Variants in MAF observed in about 807,000 individuals in gnomAD.
MAF encodes MAF bZIP transcription factor.
In MAF, 10 loss-of-function variants were observed where a neutral mutation model predicts 22.0. That is an observed-to-expected ratio of 0.45 (90% CI 0.28 to 0.77). MAF has a LOEUF of 0.77. Ranked by LOEUF, MAF falls within the 30% of genes least tolerant of loss-of-function variation. MAF has a pLI of 0.12. For missense variants in MAF, 544 were observed against 548.4 expected, an observed-to-expected ratio of 0.99 and a Z score of 0.08; for synonymous variants, 337 against 255.8, an observed-to-expected ratio of 1.32 and a Z score of -3.03.
chr16:79,342,697 A>T, the MAF span, among the ~76,000 whole-genome samples: 2 of 152,170 alleles, frequency 1.3e-5, no homozygotes, highest in African/African-American at 2.4e-5. Flanking sequence ...GCTAACAATG[A>T]AATAGATACA....
At chr16:79,386,718 C>T in the MAF span, among the ~76,000 whole-genome samples, 1 of 152,070 alleles carries the variant, frequency 6.6e-6, no homozygotes, top group Admixed American at 6.6e-5. Flanking sequence ...TGGTGAGCAG[C>T]ACAGACTCAG....
chr16:79,230,167 A>C, the MAF span, among the ~76,000 whole-genome samples: 1 of 152,122 alleles, frequency 6.6e-6, no homozygotes, highest in Non-Finnish European at 1.5e-5. Flanking sequence ...TCTGGTTCTT[A>C]CACAGTTAAC....
chr16:79,278,451 T>G, the MAF span, among the ~76,000 whole-genome samples: 121 of 152,328 alleles, frequency 7.9e-4, no homozygotes, highest in African/African-American at 2.7e-3. Flanking sequence ...AGATTTTTGT[T>G]TTCCCTCCTG....
At chr16:79,215,216 T>C in the MAF span, among the ~76,000 whole-genome samples, 1,691 of 152,320 alleles carry the variant, frequency 0.011, 29 homozygotes, top group African/African-American at 0.039. Flanking sequence ...CTTCCATAAG[T>C]TGACTATATC....
chr16:79,353,733 C>T, the MAF span, among the ~76,000 whole-genome samples: 1 of 152,114 alleles, frequency 6.6e-6, no homozygotes, highest in East Asian at 1.9e-4. Context: ...TAATAGTATA[C>T]AGTCTGCAGC....
At chr16:79,500,546 T>A in the MAF span, among the ~76,000 whole-genome samples, 4 of 152,168 alleles carry the variant, frequency 2.6e-5, no homozygotes, top group Non-Finnish European at 5.9e-5. Flanking sequence ...AAGCCACTGT[T>A]TCTTCACACC....
intron 1 of MAF, chr16:79,596,395 C>A: frequency 9.5e-7 from 1 of 1,058,070 alleles, no homozygotes; most frequent in Non-Finnish European, 1.1e-6. Flanking sequence ...AGGAATCCTT[C>A]CACTGGAGAA....
the MAF span, among the ~76,000 whole-genome samples, chr16:79,543,676 C>CTTTT: frequency 7.3e-6 from 1 of 137,278 alleles, no homozygotes. Flanking sequence ...TTTTCTTTTT[C>CTTTT]TTTTTTTTTT....
the MAF span, among the ~76,000 whole-genome samples, chr16:79,262,243 A>G: frequency 1.3e-5 from 2 of 152,200 alleles, no homozygotes; most frequent in South Asian, 2.1e-4. Context: ...AGTGAGGGCC[A>G]GACAGCCAGT....
the MAF span, among the ~76,000 whole-genome samples, chr16:79,387,494 C>G: frequency 6.6e-6 from 1 of 152,124 alleles, no homozygotes; most frequent in Non-Finnish European, 1.5e-5. Context: ...CTTGGTATTA[C>G]TCTAAGTCTG....
the MAF span, among the ~76,000 whole-genome samples, chr16:79,259,144 G>A: frequency 0.014 from 2,103 of 152,200 alleles, 59 homozygotes; most frequent in African/African-American, 0.047. Context: ...AATTAGAAAC[G>A]AAAGCCAATT....
the MAF span, among the ~76,000 whole-genome samples, chr16:79,306,812 C>T: frequency 6.6e-6 from 1 of 152,152 alleles, no homozygotes. Flanking sequence ...CTCTGTGTGA[C>T]CTTGGACAAG....
chr16:79,560,389 A>G, the MAF span, among the ~76,000 whole-genome samples: 2 of 152,030 alleles, frequency 1.3e-5, no homozygotes, highest in Non-Finnish European at 2.9e-5. Flanking sequence ...CAATGTTGAA[A>G]AGGAAACATA....
the MAF span, among the ~76,000 whole-genome samples, chr16:79,405,317 T>C: frequency 1.3e-5 from 2 of 152,188 alleles, no homozygotes; most frequent in Admixed American, 6.5e-5. Context: ...CTTCATCCTC[T>C]GGGTGAAGAA....
chr16:79,215,553 C>T, the MAF span, among the ~76,000 whole-genome samples: 2 of 152,180 alleles, frequency 1.3e-5, no homozygotes, highest in African/African-American at 2.4e-5. Flanking sequence ...TGCTTCCTGG[C>T]CGTGTCTAGG....
the MAF span, among the ~76,000 whole-genome samples, chr16:79,365,151 G>C: frequency 6.6e-6 from 1 of 152,180 alleles, no homozygotes; most frequent in Non-Finnish European, 1.5e-5. Flanking sequence ...CACTGGAATT[G>C]TCTCCGTCTA....
chr16:79,567,437 G>A, the MAF span, among the ~76,000 whole-genome samples: 1 of 152,094 alleles, frequency 6.6e-6, no homozygotes, highest in Non-Finnish European at 1.5e-5. Context: ...CAAATCAACT[G>A]AGAAACGGAT....
At chr16:79,498,105 G>C in the MAF span, among the ~76,000 whole-genome samples, 1 of 152,204 alleles carries the variant, frequency 6.6e-6, no homozygotes, top group South Asian at 2.1e-4. Context: ...CTCTTTTGCA[G>C]AAATCATCAT....
At chr16:79,261,983 C>T in the MAF span, among the ~76,000 whole-genome samples, 1 of 152,148 alleles carries the variant, frequency 6.6e-6, no homozygotes, top group Non-Finnish European at 1.5e-5. Flanking sequence ...TCCAGACTGG[C>T]TGCAGAAAAC....
Sources: allele counts gnomAD v4.1 joint callset (sites outside exome capture counted in the v4.1 genomes callset), GRCh38; gene constraint gnomAD v4.1.1; transcripts MANE v1.5; gene names NCBI Gene and HGNC (gene_info 2026-07-23, HGNC 2026-07-21).